CDK5RAP2: variants seen among roughly 807,000 people sequenced by gnomAD.
CDK5RAP2 encodes the protein CDK5 regulatory subunit associated protein 2.
In CDK5RAP2, 147 loss-of-function variants were observed where a neutral mutation model predicts 232.9. That is an observed-to-expected ratio of 0.63 (90% CI 0.55 to 0.72). CDK5RAP2 has a LOEUF of 0.72. CDK5RAP2 is among the 30% of genes least tolerant of loss of function. CDK5RAP2 has a pLI of 0.00. For synonymous variants in CDK5RAP2, 833 were observed against 833.7 expected (o/e 1.00, Z 0.01); for missense variants, 2,195 against 2,231.5 (o/e 0.98, Z 0.33).
At chr9:120,390,096 C>A (rs1405185054) in intron 36 of CDK5RAP2, 2 of 347,724 alleles carry the variant, frequency 5.8e-6, no homozygotes, top group African/African-American at 4.1e-5. Flanking sequence ...GGCCACCTGG[C>A]TGTCCAGGTA....
chr9:120,510,573 G>A (rs2040031892), intron 12 of CDK5RAP2, among the ~76,000 whole-genome samples: 1 of 152,064 alleles, frequency 6.6e-6, no homozygotes, highest in African/African-American at 2.4e-5. Context: ...ATGCACATGT[G>A]CACACTCACA....
At chr9:120,515,056 G>C (rs373767746) in intron 12 of CDK5RAP2, among the ~76,000 whole-genome samples, 131 of 152,126 alleles carry the variant, frequency 8.6e-4, no homozygotes, top group African/African-American at 3.0e-3. Flanking sequence ...ATTATCGAGA[G>C]AGACAGAGAG....
intron 3 of CDK5RAP2, among the ~76,000 whole-genome samples, chr9:120,558,166 A>AC (rs2042310393): frequency 6.7e-6 from 1 of 148,394 alleles, no homozygotes; most frequent in South Asian, 2.1e-4. Context: ...TGAGGTCAAG[A>AC]GATCGAGACC....
At chr9:120,463,581 A>G (rs1453473199) in intron 18 of CDK5RAP2, among the ~76,000 whole-genome samples, 1 of 152,198 alleles carries the variant, frequency 6.6e-6, no homozygotes, top group Non-Finnish European at 1.5e-5. Context: ...GGCACGGAGA[A>G]GCTCCTCCCA....
rs2033180730 is a variant in CDK5RAP2 at position 120,403,140 on chromosome 9, T to C, written c.5042-69A>G. The C allele has an allele frequency of 2.6e-6, 4 of 1,546,726 alleles. No homozygotes were observed. In the South Asian group the frequency reaches 3.4e-5, roughly 13 times the overall value. On this transcript the variant is annotated intron_variant, in intron 33 of 37. Transcript: ENST00000349780. This position sits in a 1 kb window ranked among gnomAD's most constrained non-coding sequence, Gnocchi z 4.2. ...CTCTGCGTTCAAGACGCTTATGATG[T>C]TGAAGCTAGCTAGGAGGGCTAGAAG...
At position 120,439,978 on chromosome 9, in the gene CDK5RAP2, A is replaced by C. The variant is rs2035805161; in HGVS notation, c.3149-6T>G. ...AGGTGGGCAAATCTCAGAGTCTGAAAATCAAATACACTTATGTCAGTATCT... is the reference window on the plus strand; with the variant it reads ...AGGTGGGCAAATCTCAGAGTCTGAACATCAAATACACTTATGTCAGTATCT... On this transcript the variant is annotated splice_region_variant and splice_polypyrimidine_tract_variant and intron_variant, in intron 23 of 37. Coordinates refer to ENST00000349780, the MANE Select transcript of CDK5RAP2 (RefSeq NM_018249.6). 1 of 1,610,872 alleles carries C rather than the reference A, an allele frequency of 6.2e-7. No individual in the cohort carries two copies. The highest frequency in any genetic ancestry group is 1.1e-5 in the South Asian group (1 of 91,044).
At position 120,550,921 on chromosome 9, in the gene CDK5RAP2, G is replaced by C; in HGVS notation, c.196-19C>G. The C allele has an allele frequency of 6.8e-7, 1 of 1,463,110 alleles. No homozygotes were observed. The highest frequency in any genetic ancestry group is 9.6e-7 in the Non-Finnish European group (1 of 1,042,374). 90.6% of individuals were successfully genotyped at this position (1,463,110 alleles called of 1,614,324 possible). ...TGATTTGCTGAAAAATATCACAGAA[G>C]GGTCATCAAAAGCAAACAAAAGACA... On this transcript the variant is annotated intron_variant, in intron 3 of 37. Transcript: ENST00000349780.
intron 4 of CDK5RAP2, among the ~76,000 whole-genome samples, chr9:120,549,133 G>A (rs1172298416): frequency 2.0e-5 from 3 of 148,338 alleles, no homozygotes; most frequent in African/African-American, 7.5e-5. Context: ...TCCAGCCTGG[G>A]CAACAGACGG....
chr9:120,477,507 T>C, intron 14 of CDK5RAP2, 57 bp from the exon 15 acceptor site: 2 of 1,272,266 alleles, frequency 1.6e-6, no homozygotes, highest in Non-Finnish European at 2.3e-6. Context: ...GAGTACATCC[T>C]TATATTATGC....
rs757203397 is a variant in CDK5RAP2 at position 120,527,924 on chromosome 9, G to A, written c.881C>T (p.Ala294Val). 1 of 1,613,554 alleles carries A rather than the reference G, an allele frequency of 6.2e-7. No homozygotes were observed. The highest frequency in any genetic ancestry group is 8.5e-7 in the Non-Finnish European group (1 of 1,179,920). ...ERNSFEERIQ[A>V]LEEDLREKER... ...CTTCTCTCTCAGGTCCTCTTCAAGT[G>A]CCTAAATTAGATTAGAAAAAGATTC... The change falls in exon 10 of 38, where the codon GCA becomes GTA. Residue 294 changes from alanine (A) to valine (V), a missense_variant and splice_region_variant. By Grantham distance (64) the Ala-to-Val change is moderately conservative. Coordinates refer to ENST00000349780, the MANE Select transcript of CDK5RAP2 (RefSeq NM_018249.6).
chr9:120,570,312 G>A (rs774408130), intron 2 of CDK5RAP2, among the ~76,000 whole-genome samples: 26 of 152,162 alleles, frequency 1.7e-4, no homozygotes, highest in Admixed American at 1.2e-3. Flanking sequence ...TCAGGTCTCC[G>A]CTCCAATATC....
Position 120,518,626 on chromosome 9 carries a change from G to A in CDK5RAP2, c.1112C>T (p.Thr371Ile). The change falls in exon 12 of 38, where the codon ACT becomes ATT. Residue 371 changes from threonine (T) to isoleucine (I), a missense_variant. Thr to Ile is a moderately conservative substitution (Grantham distance 89). Coordinates refer to ENST00000349780, the MANE Select transcript of CDK5RAP2 (RefSeq NM_018249.6). ...QEFQGSEDYE[T>I]ALSGKEALSA... ...AAGGGCTTCCTTTCCTGATAGAGCAGTCTCATAGTCTTCAGACCCCTAGAA... is the reference window on the plus strand; with the variant it reads ...AAGGGCTTCCTTTCCTGATAGAGCAATCTCATAGTCTTCAGACCCCTAGAA... The A allele has an allele frequency of 6.2e-7, 1 of 1,613,674 alleles. No homozygotes were observed.
chr9:120,491,299 T>TA lies in CDK5RAP2; in HGVS notation c.1482+7dup. 1 of 1,608,178 alleles carries TA rather than the reference T, an allele frequency of 6.2e-7. No individual in the cohort carries two copies. The highest frequency in any genetic ancestry group is 8.5e-7 in the Non-Finnish European group (1 of 1,175,198). On this transcript the variant is annotated splice_region_variant and intron_variant, in intron 13 of 37. Transcript: ENST00000349780. ...AATTAAAAAATTTAAATACAAAAGT[T>TA]ACAGTACCTGAAGCAACACGTCCTT...
At chr9:120,486,405 CT>C (rs1259115123) in intron 14 of CDK5RAP2, among the ~76,000 whole-genome samples, 3 of 116,448 alleles carry the variant, frequency 2.6e-5, no homozygotes, top group South Asian at 2.9e-4. Context: ...CCAGGTTTTT[CT>C]TTTAAAAAAA....
At chr9:120,468,582 G>A (rs936503152) in intron 17 of CDK5RAP2, among the ~76,000 whole-genome samples, 2 of 152,230 alleles carry the variant, frequency 1.3e-5, no homozygotes, top group South Asian at 2.1e-4. Flanking sequence ...CTGAGGAGGG[G>A]AACAGACTAG....
chr9:120,446,012 G>C (rs557004652), intron 22 of CDK5RAP2, among the ~76,000 whole-genome samples: 55 of 152,122 alleles, frequency 3.6e-4, no homozygotes, highest in African/African-American at 1.2e-3. Flanking sequence ...TCCTTCCAAA[G>C]GTTCATATCC....
intron 23 of CDK5RAP2, among the ~76,000 whole-genome samples, chr9:120,442,867 G>A (rs964519204): frequency 1.3e-5 from 2 of 152,170 alleles, no homozygotes; most frequent in South Asian, 4.2e-4. Flanking sequence ...AGAGACTGGT[G>A]TCCCCATGGC....
chr9:120,534,780 A>C (rs932788450), intron 7 of CDK5RAP2, among the ~76,000 whole-genome samples: 4 of 152,130 alleles, frequency 2.6e-5, no homozygotes, highest in African/African-American at 9.7e-5. Flanking sequence ...GGCTGCTCAC[A>C]TACTCTATTC....
chr9:120,421,170 C>T (rs926039605), intron 26 of CDK5RAP2, among the ~76,000 whole-genome samples: 1 of 152,142 alleles, frequency 6.6e-6, no homozygotes, highest in Non-Finnish European at 1.5e-5. Context: ...CAGCTTTGAC[C>T]CTCTATGTGC....
Sources: gnomAD v4.1 joint callset for allele counts (sites outside exome capture counted in the v4.1 genomes callset) on GRCh38, gnomAD v4.1.1 for gene constraint, Gnocchi (gnomAD v3.1) non-coding constraint, MANE v1.5 for transcripts, NCBI Gene and HGNC (gene_info 2026-07-23, HGNC 2026-07-21) for gene names.